The following CLCN6 variants were observed in gnomAD, a reference collection of about 807,000 sequenced individuals.
CLCN6 encodes the protein Cl-/H+ antiporter 6.
In CLCN6, 70 loss-of-function variants were observed where a neutral mutation model predicts 109.8. The ratio of observed to expected loss-of-function variants is 0.64; its 90% confidence interval spans 0.53 to 0.78. CLCN6 has a LOEUF of 0.78. Among genes scored for constraint, CLCN6 ranks in the 30% least tolerant of loss-of-function variants. CLCN6 has a pLI of 0.00. For synonymous variants in CLCN6, 444 were observed against 447.8 expected (o/e 0.99, Z 0.11); for missense variants, 984 against 1,142.3 (o/e 0.86, Z 2.00).
Position 11,840,270 on chromosome 1 carries a change from G to T in CLCN6, c.*47G>T. The T allele has an allele frequency of 6.6e-7, 1 of 1,508,020 alleles. No homozygotes were observed. The highest frequency in any genetic ancestry group is 9.2e-7 in the Non-Finnish European group (1 of 1,090,596). The allele number at this position is 1,508,020 out of a possible 1,614,324, so 93.4% of individuals were successfully genotyped here. ...GGTGCTGCCTGGGGAGGCAAATCAT[G>T]CTCACTCCGGCGGGCACAGCTGGCT... On this transcript the variant is annotated 3_prime_UTR_variant, in exon 23 of 23. Transcript: ENST00000346436.
At position 11,834,409 on chromosome 1, in the gene CLCN6, C is replaced by A; in HGVS notation, c.1686+14C>A. The A allele has an allele frequency of 6.2e-7, 1 of 1,613,374 alleles. No individual in the cohort carries two copies. The highest frequency in any genetic ancestry group is 8.5e-7 in the Non-Finnish European group (1 of 1,179,452). On this transcript the variant is annotated intron_variant, in intron 16 of 22. Transcript: ENST00000346436. The surrounding 1 kb of genome is among the most constrained non-coding windows in gnomAD (Gnocchi z 4.5). ...GTCACACTGATGGTGAGCACACTCC[C>A]TCCAGGCCCCTGTCAGGCTCAGGGC...
At chr1:11,813,545 C>T (rs776933029) in intron 2 of CLCN6, among the ~76,000 whole-genome samples, 19 of 152,158 alleles carry the variant, frequency 1.2e-4, no homozygotes, top group Non-Finnish European at 4.4e-5. Context: ...TGTGTGCCAC[C>T]ACACCCACCT....
chr1:11,829,068 A>G (rs1644848859), intron 12 of CLCN6, 128 bp from the exon 13 acceptor site: 11 of 1,081,232 alleles, frequency 1.0e-5, no homozygotes, highest in Non-Finnish European at 1.5e-5. Context: ...ACACATGTTG[A>G]CTGACCAGGG....
chr1:11,830,737 T>TATAATATATATATATATATA lies in CLCN6; in HGVS notation c.1248+1415_1248+1416insATAATATATATATATATATA, dbSNP rs1359328796. Among the ~76,000 whole-genome samples the TATAATATATATATATATATA allele has an allele frequency of 1.6e-3, 147 of 91,054 alleles. 3 individuals are homozygous for TATAATATATATATATATATA. Among genetic ancestry groups the TATAATATATATATATATATA allele is most frequent in the African/African-American group, 5.2e-3 (129 of 25,046 alleles). The allele number at this position is 91,054 out of a possible 152,430, so 59.7% of individuals were successfully genotyped here. A position where few individuals can be genotyped will look rare whatever the true frequency, so the allele number is the denominator to read the frequency against. ...CAGTGTCCCCAGTTATATGTATATA[T>TATAATATATATATATATATA]TATATATATATATATATATATATAT... is the stretch of plus-strand genomic sequence containing the variant. On this transcript the variant is annotated intron_variant, in intron 13 of 22. Coordinates refer to ENST00000346436, the MANE Select transcript of CLCN6 (RefSeq NM_001286.5).
At chr1:11,837,605 A>G in intron 20 of CLCN6, 106 bp downstream of exon 20, 1 of 1,154,080 alleles carries the variant, frequency 8.7e-7, no homozygotes, top group South Asian at 1.5e-5. Context: ...AGCTGAATGC[A>G]AGGCGAGAAG....
chr1:11,818,878 C>T (rs1286888183), intron 4 of CLCN6, among the ~76,000 whole-genome samples: 1 of 152,046 alleles, frequency 6.6e-6, no homozygotes, highest in African/African-American at 2.4e-5. Flanking sequence ...CAAGGCCAGC[C>T]TAGGCAATAT....
chr1:11,806,690 A>C (rs898615545), intron 1 of CLCN6: 2 of 364,242 alleles, frequency 5.5e-6, no homozygotes, highest in Non-Finnish European at 9.9e-6. Flanking sequence ...CTGCTGTTTT[A>C]GCTTCTCCAG....
chr1:11,828,648 C>A (rs200724457), intron 12 of CLCN6, 24 bp downstream of exon 12: 53 of 1,574,060 alleles, frequency 3.4e-5, no homozygotes, highest in Middle Eastern at 2.3e-4. Context: ...CGCCTCCCCC[C>A]CGAGCCTGCT....
chr1:11,807,654 T>TAC lies in CLCN6; in HGVS notation c.147+465_147+466insCA, dbSNP rs1219946485. Reference sequence around the variant, plus strand: ...TTCCACCTTTCATGTATGGGATTCTTAGAGTATGTGTTTTTAGTAAAGCCA... The same window carrying TAC: ...TTCCACCTTTCATGTATGGGATTCTTACAGAGTATGTGTTTTTAGTAAAGCCA... On this transcript the variant is annotated intron_variant, in intron 2 of 22. Coordinates refer to ENST00000346436, the MANE Select transcript of CLCN6 (RefSeq NM_001286.5). Among the ~76,000 whole-genome samples, 14 of 152,364 alleles carry TAC rather than the reference T, an allele frequency of 9.2e-5. No homozygotes were observed. The East Asian group carries it at 2.7e-3, about 29-fold the overall frequency.
intron 2 of CLCN6, among the ~76,000 whole-genome samples, chr1:11,812,664 TTGTGTGTGTGTGTGTGTG>T (rs61487985): frequency 1.3e-4 from 16 of 127,024 alleles, no homozygotes; most frequent in East Asian, 4.6e-4. Flanking sequence ...CAAAGTATGT[TTGTGTGTGTGTGTGTGTG>T]TGTGTGTGTG....
At chr1:11,829,383 G>A (rs1644852832) in intron 13 of CLCN6, 61 bp downstream of exon 13, 3 of 1,595,494 alleles carry the variant, frequency 1.9e-6, no homozygotes, top group African/African-American at 2.7e-5. Context: ...AGAAATGTAT[G>A]ACCTTCCTCT....
rs527602508 is a variant in CLCN6 at position 11,820,987 on chromosome 1, A to G, written c.346+1433A>G. 2.4e-3 allele frequency among the ~76,000 whole-genome samples: 369 copies of G among 151,788 alleles called. 3 individuals carry two copies. Among genetic ancestry groups the G allele is most frequent in the African/African-American group, 8.6e-3 (354 of 41,392 alleles). ...GCTACTTGGAAGGCTGAGGTGGGAGAATCGCTTGAACCCGGGAGACAGAGG... is the reference window on the plus strand; with the variant it reads ...GCTACTTGGAAGGCTGAGGTGGGAGGATCGCTTGAACCCGGGAGACAGAGG... On this transcript the variant is annotated intron_variant, in intron 5 of 22. Coordinates refer to ENST00000346436, the MANE Select transcript of CLCN6 (RefSeq NM_001286.5).
At chr1:11,812,389 T>C (rs1198251282) in intron 2 of CLCN6, among the ~76,000 whole-genome samples, 3 of 152,174 alleles carry the variant, frequency 2.0e-5, no homozygotes, top group Non-Finnish European at 4.4e-5. Context: ...ACGGTTCAGC[T>C]GTCTGGAAGC....
In CLCN6 at chr1:11,834,713, C is replaced by A; in HGVS notation, c.1793+123C>A. ...TCTTGGGCTGAAAGAAGCAACACAC[C>A]CATTCCTGAGCATGTGTGAGAATGT... On this transcript the variant is annotated intron_variant, in intron 17 of 22. Transcript: ENST00000346436. This position sits in a 1 kb window ranked among gnomAD's most constrained non-coding sequence, Gnocchi z 4.5. 1 of 840,602 alleles carries A rather than the reference C, an allele frequency of 1.2e-6. No homozygotes were observed. 52.1% of individuals were successfully genotyped at this position (840,602 alleles called of 1,614,324 possible). A position where few individuals can be genotyped will look rare whatever the true frequency, so the allele number is the denominator to read the frequency against.
At chr1:11,826,290 C>T in intron 9 of CLCN6, 76 bp downstream of exon 9, 1 of 1,222,456 alleles carries the variant, frequency 8.2e-7, no homozygotes, top group Non-Finnish European at 1.2e-6. Context: ...TCGACACTTG[C>T]TCTAGCCTGG....
At chr1:11,807,321 T>G in intron 2 of CLCN6, 131 bp downstream of exon 2, 1 of 743,296 alleles carries the variant, frequency 1.3e-6, no homozygotes, top group Non-Finnish European at 2.3e-6. Context: ...GTAAGAGAAC[T>G]TCCTTCTAGG....
At chr1:11,814,744 G>A (rs1171779099) in intron 2 of CLCN6, among the ~76,000 whole-genome samples, 3 of 152,020 alleles carry the variant, frequency 2.0e-5, no homozygotes, top group Non-Finnish European at 4.4e-5. Flanking sequence ...AACATAAAGT[G>A]GAAGTTGGCC....
Position 11,834,793 on chromosome 1 carries a change from T to G in CLCN6, c.1793+203T>G, listed in dbSNP as rs1263249678. ...GGCAGGGCAGGGGACACGGGCACTG[T>G]GGGACTGCAGTGGGCAGGGCCTCTT... On this transcript the variant is annotated intron_variant, in intron 17 of 22. Coordinates refer to ENST00000346436, the MANE Select transcript of CLCN6 (RefSeq NM_001286.5). This position sits in a 1 kb window ranked among gnomAD's most constrained non-coding sequence, Gnocchi z 4.5. Among the ~76,000 whole-genome samples, 2 of 152,224 alleles carry G rather than the reference T, an allele frequency of 1.3e-5. No individual in the cohort carries two copies. The highest frequency in any genetic ancestry group is 3.9e-4 in the East Asian group (2 of 5,176).
chr1:11,812,657 A>T (rs12123964), intron 2 of CLCN6, among the ~76,000 whole-genome samples: 1 of 124,058 alleles, frequency 8.1e-6, no homozygotes. Context: ...AAAAAGACAA[A>T]GTATGTTTGT....
Sources: allele counts gnomAD v4.1 joint callset (sites outside exome capture counted in the v4.1 genomes callset), GRCh38; gene constraint gnomAD v4.1.1; non-coding constraint Gnocchi (gnomAD v3.1); transcripts MANE v1.5; gene names NCBI Gene and HGNC (gene_info 2026-07-23, HGNC 2026-07-21).